The following B3GALT1 variants were observed in gnomAD, a reference collection of about 807,000 sequenced individuals.
B3GALT1 encodes the protein UDP-Gal:betaGlcNAc beta 1,3-galactosyltransferase, polypeptide 1.
A neutral mutation model predicts 23.2 loss-of-function variants in B3GALT1; 10 were observed. That is an observed-to-expected ratio of 0.43 (90% confidence interval 0.27 to 0.73). B3GALT1 has a LOEUF of 0.73. B3GALT1 is among the 30% of genes least tolerant of loss of function. The pLI, the probability that B3GALT1 is intolerant of heterozygous loss-of-function variation, is 0.21. For missense variants in B3GALT1, 299 were observed against 405.4 expected, an observed-to-expected ratio of 0.74 and a Z score of 2.25; for synonymous variants, 156 against 141.5, an observed-to-expected ratio of 1.10 and a Z score of -0.73.
chr2:167,470,392 G>A (rs1699406134), intron 1 of B3GALT1, among the ~76,000 whole-genome samples: 1 of 152,132 alleles, frequency 6.6e-6, no homozygotes, highest in Non-Finnish European at 1.5e-5. Flanking sequence ...TTAGGAAATA[G>A]ATTTTAGTCT....
chr2:167,811,510 C>G (rs561700488), intron 3 of B3GALT1, among the ~76,000 whole-genome samples: 2 of 152,194 alleles, frequency 1.3e-5, no homozygotes, highest in Non-Finnish European at 2.9e-5. Context: ...GAACTTTATG[C>G]TTCAGAGGAA....
intron 2 of B3GALT1, among the ~76,000 whole-genome samples, chr2:167,603,167 A>T (rs536939035): frequency 9.8e-4 from 149 of 152,298 alleles, no homozygotes; most frequent in Non-Finnish European, 1.7e-3. Flanking sequence ...AAGATAACTA[A>T]TTCTAGTTCT....
intron 3 of B3GALT1, among the ~76,000 whole-genome samples, chr2:167,784,821 T>C (rs188830198): frequency 6.6e-6 from 1 of 152,266 alleles, no homozygotes; most frequent in Admixed American, 6.5e-5. Flanking sequence ...AGCTTAACAA[T>C]GATAAGAATA....
intron 1 of B3GALT1, among the ~76,000 whole-genome samples, chr2:167,371,751 A>G (rs1697689792): frequency 6.6e-6 from 1 of 151,942 alleles, no homozygotes; most frequent in Non-Finnish European, 1.5e-5. Flanking sequence ...AAAGCAAATT[A>G]ATTGATCTAT....
intron 2 of B3GALT1, among the ~76,000 whole-genome samples, chr2:167,522,074 ATATAT>A (rs1222016042): frequency 1.3e-5 from 2 of 150,124 alleles, no homozygotes; most frequent in East Asian, 3.9e-4. Flanking sequence ...GTGGCCCAAA[ATATAT>A]TAGGAATTAC....
At chr2:167,382,029 G>A (rs1232576124) in intron 1 of B3GALT1, among the ~76,000 whole-genome samples, 4 of 152,202 alleles carry the variant, frequency 2.6e-5, no homozygotes, top group African/African-American at 7.2e-5. Context: ...AACCAAAGGT[G>A]GCTGATTGTA....
chr2:167,814,595 A>C (rs1688955526), intron 3 of B3GALT1, among the ~76,000 whole-genome samples: 1 of 152,024 alleles, frequency 6.6e-6, no homozygotes, highest in African/African-American at 2.4e-5. Flanking sequence ...TCCCGTCTCT[A>C]CTAAAAAAAA....
In B3GALT1 at chr2:167,385,983, C is replaced by A. The variant is rs77041541; in HGVS notation, c.-511+92649C>A. Among the ~76,000 whole-genome samples the A allele has an allele frequency of 9.5e-3, 1,454 of 152,300 alleles. 15 individuals carry two copies. Among genetic ancestry groups the A allele is most frequent in the African/African-American group, 0.031 (1,276 of 41,570 alleles). On this transcript the variant is annotated intron_variant, in intron 1 of 4. Transcript: ENST00000392690. The stretch of plus-strand genomic sequence containing the variant: ...AAACATACTTCAAGTAAAACAAATA[C>A]TACCCAGTTTCTTAGCTCTTTTAAC...
At chr2:167,456,891 T>G (rs1699180913) in intron 1 of B3GALT1, among the ~76,000 whole-genome samples, 1 of 152,160 alleles carries the variant, frequency 6.6e-6, no homozygotes, top group Admixed American at 6.5e-5. Flanking sequence ...TGTCATTATG[T>G]AGGCATGATT....
intron 2 of B3GALT1, among the ~76,000 whole-genome samples, chr2:167,551,143 T>C (rs1574132087): frequency 6.6e-6 from 1 of 151,658 alleles, no homozygotes; most frequent in East Asian, 1.9e-4. Context: ...AAAGCACAGC[T>C]AACTGTAAGG....
chr2:167,840,521 A>C (rs1574294967), intron 4 of B3GALT1, among the ~76,000 whole-genome samples: 1 of 148,758 alleles, frequency 6.7e-6, no homozygotes, highest in African/African-American at 2.5e-5. Context: ...AAAAGTCAGG[A>C]AACAACAGGT....
At position 167,870,638 on chromosome 2, in the gene B3GALT1, A is replaced by G. The variant is rs966682494; in HGVS notation, c.*618A>G. 6.0e-6 allele frequency: 1 copy of G among 167,118 alleles called. No individual in the cohort carries two copies. The highest frequency in any genetic ancestry group is 6.5e-5 in the Admixed American group (1 of 15,290). 10.4% of individuals were successfully genotyped at this position (167,118 alleles called of 1,614,324 possible). ...GAAGACAACTCTGCTTGCTCATCCA[A>G]GGATTAAATCTGGTCAGCAGGTGGA... is the stretch of plus-strand genomic sequence containing the variant. On this transcript the variant is annotated 3_prime_UTR_variant, in exon 5 of 5. Transcript: ENST00000392690.
At chr2:167,772,753 T>C (rs1028837995) in intron 3 of B3GALT1, among the ~76,000 whole-genome samples, 1 of 152,230 alleles carries the variant, frequency 6.6e-6, no homozygotes, top group African/African-American at 2.4e-5. Flanking sequence ...CACTTTCAAA[T>C]GTATGACACA....
At chr2:167,743,097 G>A (rs901566836) in intron 3 of B3GALT1, among the ~76,000 whole-genome samples, 1 of 151,860 alleles carries the variant, frequency 6.6e-6, no homozygotes, top group African/African-American at 2.4e-5. Context: ...TGTTACTGTA[G>A]CTATAGTTCA....
At chr2:167,427,223 T>C (rs1331773934) in intron 1 of B3GALT1, among the ~76,000 whole-genome samples, 1 of 152,132 alleles carries the variant, frequency 6.6e-6, no homozygotes, top group East Asian at 1.9e-4. Context: ...GTGAAGACAG[T>C]GGTTACTCCT....
rs1019240515 is a variant in B3GALT1, at chr2:167,417,653, C to T, written c.-510-72524C>T. Among the ~76,000 whole-genome samples the T allele has an allele frequency of 3.3e-5, 5 of 152,138 alleles. No individual in the cohort carries two copies. In the East Asian group the frequency reaches 9.6e-4, roughly 29 times the overall value. ...AAAGTTTTCATGGAAATTTCTAGGACTCATTGGCCCACCACTAAGAGGTGG... is the reference window on the plus strand; with the variant it reads ...AAAGTTTTCATGGAAATTTCTAGGATTCATTGGCCCACCACTAAGAGGTGG... On this transcript the variant is annotated intron_variant, in intron 1 of 4. Transcript: ENST00000392690.
chr2:167,327,196 A>G (rs2103098), intron 1 of B3GALT1, among the ~76,000 whole-genome samples: 121,033 of 151,978 alleles, frequency 0.8, 49,971 homozygotes, highest in Non-Finnish European at 0.9. Flanking sequence ...GTGTGATGCT[A>G]TTCTTTTTGC....
At chr2:167,467,943 G>GATA (rs1250892800) in intron 1 of B3GALT1, among the ~76,000 whole-genome samples, 9 of 152,138 alleles carry the variant, frequency 5.9e-5, no homozygotes, top group African/African-American at 1.4e-4. Flanking sequence ...GAGGAAAGTA[G>GATA]ATAATAAGCA....
At chr2:167,412,830 T>G (rs1382703631) in intron 1 of B3GALT1, among the ~76,000 whole-genome samples, 1 of 152,120 alleles carries the variant, frequency 6.6e-6, no homozygotes, top group African/African-American at 2.4e-5. Flanking sequence ...TATAAACAAC[T>G]GAAATGTCTA....
Sources: allele counts gnomAD v4.1 joint callset (sites outside exome capture counted in the v4.1 genomes callset), GRCh38; gene constraint gnomAD v4.1.1; transcripts MANE v1.5; gene names NCBI Gene and HGNC (gene_info 2026-07-23, HGNC 2026-07-21).